ZNF584: variants seen among roughly 807,000 people sequenced by gnomAD.
ZNF584 encodes the protein zinc finger protein 584.
In ZNF584, 12 loss-of-function variants were observed where a neutral mutation model predicts 14.7. The observed-to-expected ratio is 0.82, with a 90% CI of 0.52 to 1.32. The LOEUF (loss-of-function observed/expected upper bound fraction) is 1.32. Among genes scored for constraint, ZNF584 ranks in the 40% most tolerant of loss-of-function variants. The pLI is 0.00. For missense variants in ZNF584, 478 were observed against 518.8 expected, an observed-to-expected ratio of 0.92 and a Z score of 0.76; for synonymous variants, 204 against 190.9, an observed-to-expected ratio of 1.07 and a Z score of -0.57.
Position 58,415,305 on chromosome 19 carries a change from A to G in ZNF584, c.170-219A>G, listed in dbSNP as rs117900742. 2.6e-5 allele frequency among the ~76,000 whole-genome samples: 4 copies of G among 152,156 alleles called. No homozygotes were observed. The East Asian group carries it at 7.7e-4, about 29-fold the overall frequency. On this transcript the variant is annotated intron_variant, in intron 2 of 3. Transcript: ENST00000306910. ...CCTAGGCTCAAGTGATCCTCTCACT[A>G]TGGCCTCCCTAGTAACTGGGACTAC...
In ZNF584 at chr19:58,409,847, G is replaced by C. The variant is rs183879551; in HGVS notation, c.19-94G>C. 2.1e-3 allele frequency: 2,999 copies of C among 1,446,222 alleles called. 6 individuals carry two copies. The highest frequency in any genetic ancestry group is 2.6e-3 in the Non-Finnish European group (2,640 of 1,029,646). The allele number at this position is 1,446,222 out of a possible 1,614,324, so 89.6% of individuals were successfully genotyped here. A position where few individuals can be genotyped will look rare whatever the true frequency, so the allele number is the denominator to read the frequency against. ...ATAGGGAAAGATAATGTCAGGGGGA[G>C]ATGTGATAGGACCCTGAGATACAGG... On this transcript the variant is annotated intron_variant, in intron 1 of 3. Coordinates refer to ENST00000306910, the MANE Select transcript of ZNF584 (RefSeq NM_173548.3).
At chr19:58,415,775 T>C in intron 3 of ZNF584, 129 bp downstream of exon 3, 1 of 1,611,636 alleles carries the variant, frequency 6.2e-7, no homozygotes, top group Non-Finnish European at 8.5e-7. Context: ...TTTCCTGTCT[T>C]ATGTGGACAC....
chr19:58,414,499 C>T (rs10405898), intron 2 of ZNF584, among the ~76,000 whole-genome samples: 15,541 of 146,034 alleles, frequency 0.11, 2,496 homozygotes, highest in African/African-American at 0.35. Context: ...CCACCATGCC[C>T]GGGTAATTTT....
At chr19:58,406,051 A>G (rs10405769), upstream of ZNF584, 87,775 of 167,358 alleles carry the variant, frequency 0.52, 25,193 homozygotes, top group African/African-American at 0.77. Flanking sequence ...TCCAGCCTGG[A>G]CACCATTGAG....
chr19:58,413,222 T>A (rs1278148476), intron 2 of ZNF584, among the ~76,000 whole-genome samples: 1 of 152,178 alleles, frequency 6.6e-6, no homozygotes, highest in Non-Finnish European at 1.5e-5. Flanking sequence ...GGTATAAAGT[T>A]AGGTTATTGG....
In ZNF584 at chr19:58,409,956, T is replaced by C; in HGVS notation, c.34T>C (p.Ser12Pro). The C allele has an allele frequency of 6.2e-7, 1 of 1,614,106 alleles. No individual in the cohort carries two copies. The highest frequency in any genetic ancestry group is 1.1e-5 in the South Asian group (1 of 91,074). ...AGEAEAQLDPSLQGLVMFEDV... is the reference protein window; with the variant it reads ...AGEAEAQLDPPLQGLVMFEDV... ...TGACCCCAAGGCTCAGTTGGACCCA[T>C]CATTGCAGGGCTTGGTGATGTTTGA... The change falls in exon 2 of 4, where the codon TCA becomes CCA. Residue 12 changes from serine (S) to proline (P), a missense_variant. This residue lies in a region of ZNF584 where 189 missense variants were observed against 177.9 expected (regional missense o/e 1.06). Transcript: ENST00000306910.
rs546297340 is a variant in ZNF584 at position 58,410,002 on chromosome 19, C to T, written c.80C>T (p.Ser27Phe). 1.2e-5 allele frequency: 19 copies of T among 1,613,896 alleles called. No homozygotes were observed. Among genetic ancestry groups the T allele is most frequent in the Admixed American group, 5.0e-5 (3 of 59,970 alleles). Residue 27 changes from serine (S) to phenylalanine (F), a missense_variant, in exon 2 of 4, where the codon TCC becomes TTC. Physicochemically the swap from Ser to Phe is radical, Grantham distance 155. Transcript: ENST00000306910. Reference protein sequence around the residue: ...VMFEDVTVYFSREEWGLLNVT... With the variant: ...VMFEDVTVYFFREEWGLLNVT... ...TTTGAGGATGTGACGGTATATTTCT[C>T]CAGGGAGGAGTGGGGGCTCCTTAAT... is the stretch of plus-strand genomic sequence containing the variant.
At chr19:58,415,183 G>T (rs1035996812) in intron 2 of ZNF584, among the ~76,000 whole-genome samples, 17 of 151,638 alleles carry the variant, frequency 1.1e-4, no homozygotes, top group African/African-American at 3.9e-4. Context: ...GTGAGCCACT[G>T]CGCCCGGCCT....
chr19:58,415,261 C>T (rs925958243), intron 2 of ZNF584, among the ~76,000 whole-genome samples: 1 of 152,130 alleles, frequency 6.6e-6, no homozygotes, highest in African/African-American at 2.4e-5. Flanking sequence ...GTGATCGTGA[C>T]TCACTGACGC....
chr19:58,403,612 T>C (rs1231949403), intron 1 of ZNF584, among the ~76,000 whole-genome samples: 1 of 152,122 alleles, frequency 6.6e-6, no homozygotes, highest in Non-Finnish European at 1.5e-5. Context: ...GATACATGAA[T>C]TTATGCATTT....
At chr19:58,415,886 G>A in intron 3 of ZNF584, 1 of 1,599,242 alleles carries the variant, frequency 6.3e-7, no homozygotes, top group Non-Finnish European at 8.5e-7. Flanking sequence ...GTGCAGAGCT[G>A]TCTACTGTTG....
intron 2 of ZNF584, among the ~76,000 whole-genome samples, chr19:58,415,080 AAG>A (rs1176033721): frequency 1.8e-4 from 28 of 151,786 alleles, no homozygotes; most frequent in Middle Eastern, 6.8e-3. Context: ...TTTTTAGTAG[AAG>A]GGGGGTTTCA....
At position 58,418,118 on chromosome 19, in the gene ZNF584, C is replaced by G. The variant is rs1599956664; in HGVS notation, c.*334C>G. The stretch of plus-strand genomic sequence containing the variant: ...AGTGGAGCCCAAAACAGGCCTCATT[C>G]CCTACCCTTGACTGGTTTAGCTGTG... On this transcript the variant is annotated 3_prime_UTR_variant, in exon 4 of 4. Transcript: ENST00000306910. The G allele has an allele frequency of 7.3e-6, 2 of 273,200 alleles. No homozygotes were observed. Among genetic ancestry groups the G allele is most frequent in the East Asian group, 7.3e-5 (1 of 13,668 alleles). The allele number at this position is 273,200 out of a possible 1,614,324, so 16.9% of individuals were successfully genotyped here. A position where few individuals can be genotyped will look rare whatever the true frequency, so the allele number is the denominator to read the frequency against.
Position 58,418,022 on chromosome 19 carries a change from C to T in ZNF584, c.*238C>T. 1.8e-6 allele frequency: 1 copy of T among 546,506 alleles called. No individual in the cohort carries two copies. The highest frequency in any genetic ancestry group is 2.4e-5 in the South Asian group (1 of 42,250). 33.9% of individuals were successfully genotyped at this position (546,506 alleles called of 1,614,324 possible). On this transcript the variant is annotated 3_prime_UTR_variant, in exon 4 of 4. Coordinates refer to ENST00000306910, the MANE Select transcript of ZNF584 (RefSeq NM_173548.3). ...CACCGCCATCCACCTCTATCCACCC[C>T]ATAAGGTCCCTACAGCAAGTGGGAC...
rs1415347336 is a variant in ZNF584 at position 58,416,952 on chromosome 19, G to A, written c.434G>A (p.Ser145Asn). Residue 145 changes from serine (S) to asparagine (N), a missense_variant, in exon 4 of 4, where the codon AGT becomes AAT. Around this residue, in one of 3 missense-constraint regions of ZNF584, gnomAD observed 189 missense variants for 177.9 expected, o/e 1.06. Transcript: ENST00000306910. ...GGGGCAGCTTTCCCACCTGGTTCCA[G>A]TTGTGGGCAACAGCAAGAAGTCCAT... ...EHGAAFPPGS[S>N]CGQQQEVHVA... 2 of 1,612,974 alleles carry A rather than the reference G, an allele frequency of 1.2e-6. No homozygotes were observed. The highest frequency in any genetic ancestry group is 3.3e-5 in the Admixed American group (2 of 59,928).
At chr19:58,411,388 T>C (rs1171068751) in intron 2 of ZNF584, among the ~76,000 whole-genome samples, 2 of 151,548 alleles carry the variant, frequency 1.3e-5, no homozygotes, top group Non-Finnish European at 2.9e-5. Flanking sequence ...TAGCCAGGTG[T>C]GGTGGCACAT....
upstream of ZNF584, among the ~76,000 whole-genome samples, chr19:58,403,890 C>G (rs538851430): frequency 6.9e-6 from 1 of 144,938 alleles, no homozygotes; most frequent in Non-Finnish European, 1.5e-5. Context: ...TGCTTGAACC[C>G]GGGAGGCGGA....
At chr19:58,405,316 G>C (rs2052461428), upstream of ZNF584, 1 of 102,728 alleles carries the variant, frequency 9.7e-6, no homozygotes, top group African/African-American at 4.6e-5. Flanking sequence ...CGGGCAGAAG[G>C]GCTCCTCACT....
rs758927512 is a variant in ZNF584 at position 58,417,055 on chromosome 19, A to G, written c.537A>G (p.Ile179Met). Reference sequence around the variant, plus strand: ...CCTTTGCCCTCCTTGACCATCTGATAACGCATTCTGAAGAGAGACCCTTCA... The same window carrying G: ...CCTTTGCCCTCCTTGACCATCTGATGACGCATTCTGAAGAGAGACCCTTCA... Reference protein sequence around the residue: ...LKAFALLDHLITHSEERPFRC... With the variant: ...LKAFALLDHLMTHSEERPFRC... The change falls in exon 4 of 4, where the codon ATA (isoleucine) becomes ATG (methionine). Residue 179 changes from isoleucine (I) to methionine (M), a missense_variant. By Grantham distance (10) the Ile-to-Met change is conservative (BLOSUM62 1). Coordinates refer to ENST00000306910, the MANE Select transcript of ZNF584 (RefSeq NM_173548.3). The G allele has an allele frequency of 3.1e-6, 5 of 1,612,996 alleles. No homozygotes were observed. The South Asian group carries it at 3.3e-5, about 11-fold the overall frequency.
Sources: allele counts gnomAD v4.1 joint callset (sites outside exome capture counted in the v4.1 genomes callset), GRCh38; gene constraint gnomAD v4.1.1; regional missense constraint gnomAD v4.1.1; transcripts MANE v1.5; gene names NCBI Gene and HGNC (gene_info 2026-07-23, HGNC 2026-07-21).